Variants in SPAG1 observed in about 807,000 individuals in gnomAD.
SPAG1 encodes sperm associated antigen 1.
Under a neutral mutation model 100.5 loss-of-function variants are expected in SPAG1, and 69 were observed. The ratio of observed to expected loss-of-function variants is 0.69; its 90% CI spans 0.57 to 0.84. SPAG1 has a LOEUF of 0.84. SPAG1 is among the 40% of genes least tolerant of loss of function. The pLI is 0.00. For missense variants in SPAG1, 955 were observed against 1,133.1 expected, an observed-to-expected ratio of 0.84 and a Z score of 2.26; for synonymous variants, 336 against 411.6, an observed-to-expected ratio of 0.82 and a Z score of 2.22.
chr8:100,232,960 C>T (rs1050003193), intron 15 of SPAG1, among the ~76,000 whole-genome samples: 2 of 152,188 alleles, frequency 1.3e-5, no homozygotes, highest in African/African-American at 2.4e-5. Context: ...TGTCCTTGGC[C>T]TCCACTCCCC....
chr8:100,225,773 T>C (rs1818481969), intron 14 of SPAG1, among the ~76,000 whole-genome samples: 1 of 152,072 alleles, frequency 6.6e-6, no homozygotes, highest in Non-Finnish European at 1.5e-5. Flanking sequence ...TAAAACTACA[T>C]GGTCTTAAGA....
chr8:100,219,290 T>A (rs488472), intron 12 of SPAG1, among the ~76,000 whole-genome samples: 147,306 of 152,326 alleles, frequency 0.97, 71,241 homozygotes, highest in East Asian at 1. Flanking sequence ...TAAATACTTG[T>A]TATATTAACT....
chr8:100,232,418 AATG>A (rs1448891345), intron 15 of SPAG1, among the ~76,000 whole-genome samples: 1 of 152,038 alleles, frequency 6.6e-6, no homozygotes, highest in Non-Finnish European at 1.5e-5. Context: ...ACCACCTTAC[AATG>A]ATGTCTTCCA....
chr8:100,159,278 C>T (rs1715822041), intron 1 of SPAG1, among the ~76,000 whole-genome samples: 1 of 152,172 alleles, frequency 6.6e-6, no homozygotes, highest in African/African-American at 2.4e-5. Flanking sequence ...GTAACTTCTA[C>T]CCTTGAGGTT....
At chr8:100,183,139 A>G (rs1816437449) in intron 4 of SPAG1, among the ~76,000 whole-genome samples, 1 of 151,876 alleles carries the variant, frequency 6.6e-6, no homozygotes, top group South Asian at 2.1e-4. Context: ...TGCCCAGCTA[A>G]TTTTTGTATT....
intron 16 of SPAG1, among the ~76,000 whole-genome samples, chr8:100,234,619 T>A (rs576376616): frequency 2.3e-4 from 35 of 152,354 alleles, no homozygotes; most frequent in South Asian, 8.3e-4. Context: ...TATGAATATA[T>A]CACAATTTGT....
chr8:100,181,435 C>T (rs555454942), intron 4 of SPAG1, among the ~76,000 whole-genome samples: 1 of 152,296 alleles, frequency 6.6e-6, no homozygotes, highest in South Asian at 2.1e-4. Context: ...GAATCAATGA[C>T]CTTTTGAAAC....
intron 4 of SPAG1, 50 bp downstream of exon 4, chr8:100,177,991 T>C: frequency 6.5e-7 from 1 of 1,548,100 alleles, no homozygotes; most frequent in Non-Finnish European, 8.8e-7. Context: ...GGATTGCTGC[T>C]GTTTATTAAG....
intron 14 of SPAG1, among the ~76,000 whole-genome samples, chr8:100,227,236 C>A (rs980363257): frequency 2.0e-5 from 3 of 152,166 alleles, no homozygotes; most frequent in Non-Finnish European, 4.4e-5. Context: ...AATTTGTATT[C>A]CCTTAGTGCC....
rs188180574 is a variant in SPAG1 at position 100,199,334 on chromosome 8, C to T, written c.1096+5066C>T. Among the ~76,000 whole-genome samples the T allele has an allele frequency of 5.1e-4, 77 of 152,296 alleles. No homozygotes were observed. The East Asian group carries it at 7.1e-3, about 14-fold the overall frequency. ...ATGGGCATGTAGTGGTAACTCCTTACGGTTTTAATTTGCATTTTCCTAAGA... is the reference window on the plus strand; with the variant it reads ...ATGGGCATGTAGTGGTAACTCCTTATGGTTTTAATTTGCATTTTCCTAAGA... On this transcript the variant is annotated intron_variant, in intron 10 of 18. Coordinates refer to ENST00000388798, the MANE Select transcript of SPAG1 (RefSeq NM_003114.5).
At position 100,240,721 on chromosome 8, in the gene SPAG1, T is replaced by G. The variant is rs1819225415; in HGVS notation, c.2599T>G (p.Ser867Ala). 3 of 1,613,340 alleles carry G rather than the reference T, an allele frequency of 1.9e-6. No individual in the cohort carries two copies. In the East Asian group the frequency reaches 6.7e-5, roughly 36 times the overall value. ...LKNNLIEKDP[S>A]LVYQHLLYLS... ...AAATAATCTTATTGAAAAAGATCCCTCATTGGTGTATCAGCATCTTTTATA... is the reference window on the plus strand; with the variant it reads ...AAATAATCTTATTGAAAAAGATCCCGCATTGGTGTATCAGCATCTTTTATA... The change falls in exon 18 of 19, where the codon TCA becomes GCA. Residue 867 changes from serine to alanine, a missense_variant. Coordinates refer to ENST00000388798, the MANE Select transcript of SPAG1 (RefSeq NM_003114.5).
chr8:100,238,253 A>ATTTAC (rs1176992921), intron 16 of SPAG1, among the ~76,000 whole-genome samples: 2 of 152,112 alleles, frequency 1.3e-5, no homozygotes, highest in African/African-American at 4.8e-5. Flanking sequence ...TTTGTAAATA[A>ATTTAC]TTTACTTTTA....
At chr8:100,181,063 A>G (rs991269387) in intron 4 of SPAG1, among the ~76,000 whole-genome samples, 1 of 152,216 alleles carries the variant, frequency 6.6e-6, no homozygotes, top group African/African-American at 2.4e-5. Context: ...TGTTATGAGA[A>G]TACATAGAAG....
intron 10 of SPAG1, among the ~76,000 whole-genome samples, chr8:100,196,719 C>G (rs1371979839): frequency 6.6e-6 from 1 of 151,814 alleles, no homozygotes; most frequent in African/African-American, 2.4e-5. Flanking sequence ...TTTTAATGGA[C>G]TGTGCTTTTA....
At chr8:100,212,995 C>T (rs1344834704) in intron 10 of SPAG1, 95 bp from the exon 11 acceptor site, 2 of 960,008 alleles carry the variant, frequency 2.1e-6, no homozygotes, top group Non-Finnish European at 2.8e-6. Flanking sequence ...CTAGAGCCCG[C>T]CCTCCGCGTC....
chr8:100,227,433 T>C (rs1818563911), intron 14 of SPAG1, among the ~76,000 whole-genome samples: 1 of 152,168 alleles, frequency 6.6e-6, no homozygotes. Context: ...AGATGGCTAG[T>C]GTTGGACCCT....
At position 100,213,198 on chromosome 8, in the gene SPAG1, G is replaced by T. The variant is rs1404702446; in HGVS notation, c.1205G>T (p.Gly402Val). The T allele has an allele frequency of 4.5e-5, 66 of 1,460,212 alleles. No homozygotes were observed. Among genetic ancestry groups the T allele is most frequent in the Non-Finnish European group, 5.8e-5 (64 of 1,111,068 alleles). The allele number at this position is 1,460,212 out of a possible 1,614,324, so 90.5% of individuals were successfully genotyped here. Reference sequence around the variant, plus strand: ...GAAGGCGGCAAGCGGCCGGCAAGGGGCGCGCCGCAGCGGGGCCAGACCCCG... The same window carrying T: ...GAAGGCGGCAAGCGGCCGGCAAGGGTCGCGCCGCAGCGGGGCCAGACCCCG... ...KAEGGKRPAR[G>V]APQRGQTPEA... Residue 402 changes from glycine to valine, a missense_variant, in exon 11 of 19, where the codon GGC (glycine) becomes GTC (valine). Gly to Val is a moderately radical substitution (Grantham distance 109). Transcript: ENST00000388798.
Position 100,187,258 on chromosome 8 carries a change from AT to A in SPAG1, c.832+9del, listed in dbSNP as rs549475545. The A allele has an allele frequency of 4.1e-4, 661 of 1,595,340 alleles. 4 individuals are homozygous for A. The highest frequency in any genetic ancestry group is 2.1e-3 in the South Asian group (183 of 87,864). ...AACCTGGAAACGTAAAGGGTAAAAA[AT>A]ATTATAGAATTCTTTTACATTTACA... On this transcript the variant is annotated intron_variant, in intron 8 of 18. Coordinates refer to ENST00000388798, the MANE Select transcript of SPAG1 (RefSeq NM_003114.5).
intron 16 of SPAG1, among the ~76,000 whole-genome samples, chr8:100,236,323 A>G (rs945389844): frequency 1.3e-5 from 2 of 152,206 alleles, no homozygotes; most frequent in South Asian, 2.1e-4. Flanking sequence ...AAAAATGTTT[A>G]AGAGAGACAG....
Sources: gnomAD v4.1 joint callset for allele counts (sites outside exome capture counted in the v4.1 genomes callset) on GRCh38, gnomAD v4.1.1 for gene constraint, MANE v1.5 for transcripts, NCBI Gene and HGNC (gene_info 2026-07-23, HGNC 2026-07-21) for gene names.